Variants in PTGER3 observed in about 807,000 individuals in gnomAD.
PTGER3 encodes the protein prostaglandin E2 receptor EP3 subtype.
PTGER3 carries 22 observed loss-of-function variants against 34.7 expected under a neutral mutation model. That is an observed-to-expected ratio of 0.63 (90% confidence interval 0.45 to 0.91). The LOEUF is 0.91. PTGER3 is among the 40% of genes least tolerant of loss of function. The pLI is 0.00. For missense variants in PTGER3, 468 were observed against 519.4 expected, an observed-to-expected ratio of 0.90 and a Z score of 0.96; for synonymous variants, 241 against 230.1, an observed-to-expected ratio of 1.05 and a Z score of -0.43.
chr1:70,901,877 G>A (rs1195469192), intron 4 of PTGER3, among the ~76,000 whole-genome samples: 3 of 152,100 alleles, frequency 2.0e-5, no homozygotes, highest in South Asian at 2.1e-4. Flanking sequence ...GGAAAGTAAA[G>A]AGAAAAACCA....
downstream of PTGER3, chr1:70,970,753 G>A (rs930956833): frequency 3.6e-5 from 20 of 551,036 alleles, no homozygotes; most frequent in African/African-American, 6.2e-5. Context: ...CGGCATATCC[G>A]TTGAAAACTA....
intron 1 of PTGER3, among the ~76,000 whole-genome samples, chr1:71,037,406 C>T (rs569207041): frequency 6.6e-6 from 1 of 152,212 alleles, no homozygotes; most frequent in Non-Finnish European, 1.5e-5. Flanking sequence ...TCTCGAGCAA[C>T]GTAACTGCTC....
At position 71,047,408 on chromosome 1, in the gene PTGER3, G is replaced by C. The variant is rs1660947905; in HGVS notation, c.170C>G (p.Thr57Ser). 1 of 1,611,842 alleles carries C rather than the reference G, an allele frequency of 6.2e-7. No homozygotes were observed. The highest frequency in any genetic ancestry group is 8.5e-7 in the Non-Finnish European group (1 of 1,179,708). The change falls in exon 1 of 4, where the codon ACC becomes AGC. Residue 57 changes from threonine (T) to serine (S), a missense_variant. Around this residue, in one of 5 missense-constraint regions of PTGER3, gnomAD observed 151 missense variants for 133.5 expected, o/e 1.13. Coordinates refer to ENST00000306666, the MANE Select transcript of PTGER3 (RefSeq NM_198719.2). ...GCCCACGAAACCAGTGAGCAGCATG[G>C]TGATCGGGAAGGCCACGGACACCGA... ...CGSVSVAFPI[T>S]MLLTGFVGNA...
At chr1:70,863,701 T>TC (rs1182878544) in intron 4 of PTGER3, among the ~76,000 whole-genome samples, 1 of 152,040 alleles carries the variant, frequency 6.6e-6, no homozygotes, top group East Asian at 1.9e-4. Context: ...GATTTTTTTT[T>TC]TTTGTGAAAC....
intron 4 of PTGER3, among the ~76,000 whole-genome samples, chr1:70,945,353 T>TG (rs1557675012): frequency 6.6e-6 from 1 of 152,104 alleles, no homozygotes; most frequent in Non-Finnish European, 1.5e-5. Flanking sequence ...TTTAGAACTG[T>TG]CATTCATGGC....
intron 4 of PTGER3, among the ~76,000 whole-genome samples, chr1:70,888,172 C>T (rs915953633): frequency 6.6e-6 from 1 of 152,134 alleles, no homozygotes; most frequent in African/African-American, 2.4e-5. Context: ...ACGTAGCAGT[C>T]ATGGTTGTGT....
intron 2 of PTGER3, chr1:71,011,447 A>C: frequency 1.0e-6 from 1 of 985,366 alleles, no homozygotes; most frequent in Non-Finnish European, 1.2e-6. Flanking sequence ...ATCGGTCCTT[A>C]CATAGCATTC....
intron 2 of PTGER3, among the ~76,000 whole-genome samples, chr1:70,961,401 C>T (rs1361735544): frequency 6.6e-6 from 1 of 152,130 alleles, no homozygotes; most frequent in Non-Finnish European, 1.5e-5. Flanking sequence ...AGGTTCTGTA[C>T]CTTGAATTTC....
intron 2 of PTGER3, among the ~76,000 whole-genome samples, chr1:70,959,824 A>G (rs1362148110): frequency 1.3e-5 from 2 of 152,116 alleles, no homozygotes; most frequent in African/African-American, 4.8e-5. Flanking sequence ...TCCTCCCTCT[A>G]TGAACCCTCC....
intron 2 of PTGER3, chr1:71,011,678 A>C (rs1657460485): frequency 1.0e-6 from 1 of 974,700 alleles, no homozygotes; most frequent in South Asian, 4.7e-5. Flanking sequence ...AATTTGCTGT[A>C]TTGAGCAATA....
chr1:71,013,345 C>T (rs1232388682), intron 1 of PTGER3, among the ~76,000 whole-genome samples: 2 of 152,068 alleles, frequency 1.3e-5, no homozygotes, highest in East Asian at 1.9e-4. Context: ...ATACAACACA[C>T]AAATGACAGT....
intron 4 of PTGER3, among the ~76,000 whole-genome samples, chr1:70,872,399 T>C (rs543956037): frequency 3.0e-4 from 46 of 152,362 alleles, no homozygotes; most frequent in African/African-American, 1.0e-3. Flanking sequence ...TTTGCTTGAC[T>C]TCTTACTAGA....
At chr1:70,962,781 G>A (rs1480476351) in intron 2 of PTGER3, among the ~76,000 whole-genome samples, 2 of 152,156 alleles carry the variant, frequency 1.3e-5, no homozygotes, top group Non-Finnish European at 2.9e-5. Context: ...TGGGGACACA[G>A]CCAGATCATA....
downstream of PTGER3, among the ~76,000 whole-genome samples, chr1:70,948,296 G>T (rs144600197): frequency 1.3e-5 from 2 of 152,084 alleles, no homozygotes; most frequent in Admixed American, 6.5e-5. Context: ...AGTGAGTGAG[G>T]TCTCATGAGA....
intron 4 of PTGER3, among the ~76,000 whole-genome samples, chr1:70,858,071 G>T (rs564685287): frequency 2.6e-5 from 4 of 152,270 alleles, no homozygotes; most frequent in Admixed American, 2.0e-4. Context: ...TGATATATTT[G>T]CTCAGCCGAT....
intron 4 of PTGER3, among the ~76,000 whole-genome samples, chr1:70,877,567 T>G (rs958471156): frequency 1.2e-4 from 19 of 152,156 alleles, no homozygotes; most frequent in Non-Finnish European, 4.4e-5. Context: ...TTTTGCCCCT[T>G]GAATATGGTG....
intron 1 of PTGER3, among the ~76,000 whole-genome samples, chr1:71,027,700 T>C (rs1213989788): frequency 6.6e-6 from 1 of 152,132 alleles, no homozygotes; most frequent in Non-Finnish European, 1.5e-5. Context: ...GCAGCACATG[T>C]ATGCTTTTGC....
chr1:71,012,052 T>G, intron 2 of PTGER3: 1 of 1,437,110 alleles, frequency 7.0e-7, no homozygotes, highest in Admixed American at 2.9e-5. Context: ...TTCACTACTT[T>G]TGGCACATAG....
downstream of PTGER3, among the ~76,000 whole-genome samples, chr1:70,968,493 T>C (rs1572797115): frequency 6.6e-6 from 1 of 152,148 alleles, no homozygotes; most frequent in East Asian, 1.9e-4. Context: ...TTTGTGTTTA[T>C]TGAAAATAAC....
Sources: gnomAD v4.1 joint callset for allele counts (sites outside exome capture counted in the v4.1 genomes callset) on GRCh38, gnomAD v4.1.1 for gene constraint, gnomAD v4.1.1 regional missense constraint, MANE v1.5 for transcripts, NCBI Gene and HGNC (gene_info 2026-07-23, HGNC 2026-07-21) for gene names.